The following STK3 variants were observed in gnomAD, a reference collection of about 807,000 sequenced individuals.
STK3 encodes the protein serine/threonine-protein kinase 3.
In STK3, 41 loss-of-function variants were observed where a neutral mutation model predicts 58.0. The ratio of observed to expected loss-of-function variants is 0.71; its 90% CI spans 0.55 to 0.92. The LOEUF (loss-of-function observed/expected upper bound fraction) is 0.92, where lower values mean the gene tolerates loss of function less well. Ranked by LOEUF, STK3 falls within the 40% of genes least tolerant of loss-of-function variation. STK3 has a pLI of 0.00. For missense variants in STK3, 479 were observed against 602.7 expected (o/e 0.79, Z 2.15); for synonymous variants, 170 against 191.0 (o/e 0.89, Z 0.91).
At chr8:98,889,215 G>A (rs1452405718) in intron 1 of STK3, among the ~76,000 whole-genome samples, 2 of 152,194 alleles carry the variant, frequency 1.3e-5, no homozygotes, top group African/African-American at 2.4e-5. Flanking sequence ...GAACAAGATG[G>A]TATGAGAGCC....
rs143946380 is a variant in STK3 at position 98,633,663 on chromosome 8, C to T, written c.685-37494G>A. The T allele has an allele frequency of 3.3e-5, 23 of 706,824 alleles. No homozygotes were observed. In the African/African-American group the frequency reaches 3.7e-4, roughly 11 times the overall value. 43.8% of individuals were successfully genotyped at this position (706,824 alleles called of 1,614,324 possible). On this transcript the variant is annotated intron_variant, in intron 6 of 10. Transcript: ENST00000419617. ...GTTTAATAAGGAACTTGATCCTGTACAGAAACTCTTTATGTACAAGGTTAG... is the reference window on the plus strand; with the variant it reads ...GTTTAATAAGGAACTTGATCCTGTATAGAAACTCTTTATGTACAAGGTTAG...
chr8:98,364,387 T>A, the STK3 span, among the ~76,000 whole-genome samples: 1 of 152,114 alleles, frequency 6.6e-6, no homozygotes, highest in African/African-American at 2.4e-5. Flanking sequence ...TCTGGGCCTA[T>A]CTTGAAGTCC....
intron 1 of STK3, among the ~76,000 whole-genome samples, chr8:98,926,443 C>A: frequency 6.6e-6 from 1 of 152,068 alleles, no homozygotes. Flanking sequence ...CCCAAGATGC[C>A]ACTTATGGAC....
At chr8:98,850,373 G>T (rs1464841666) in intron 3 of STK3, among the ~76,000 whole-genome samples, 1 of 152,140 alleles carries the variant, frequency 6.6e-6, no homozygotes, top group Admixed American at 6.5e-5. Flanking sequence ...TCTGCTCTGG[G>T]TATTGGGCTG....
In STK3 at chr8:98,460,873, G is replaced by A. The variant is rs145797737; in HGVS notation, c.1318-4873C>T. On this transcript the variant is annotated intron_variant, in intron 10 of 10. Transcript: ENST00000419617. ...GGCACGCAGAACTATGAATCAACTC[G>A]ATTTTTAAAAACATATTGAGACTTG... Among the ~76,000 whole-genome samples, 461 of 152,226 alleles carry A rather than the reference G, an allele frequency of 3.0e-3. 4 individuals carry two copies. Among genetic ancestry groups the A allele is most frequent in the African/African-American group, 0.01 (424 of 41,538 alleles).
chr8:98,818,787 T>A (rs1834709925), intron 1 of STK3, among the ~76,000 whole-genome samples: 1 of 152,084 alleles, frequency 6.6e-6, no homozygotes, highest in Admixed American at 6.6e-5. Context: ...AAGGTAATCT[T>A]CATGTCGATA....
At chr8:98,363,082 T>C in the STK3 span, among the ~76,000 whole-genome samples, 1 of 152,152 alleles carries the variant, frequency 6.6e-6, no homozygotes, top group African/African-American at 2.4e-5. Context: ...CACAAACCAC[T>C]GTAAAATTCT....
chr8:98,375,418 T>A (rs10091412), intron 2 of STK3, among the ~76,000 whole-genome samples: 95,870 of 151,956 alleles, frequency 0.63, 31,034 homozygotes, highest in Non-Finnish European at 0.69. Flanking sequence ...AATTCCAAAT[T>A]ATTTAAAAAC....
chr8:98,881,071 T>C (rs1837774999), downstream of STK3: 1 of 152,244 alleles, frequency 6.6e-6, no homozygotes. Flanking sequence ...TATTATTATT[T>C]AGTTAATAAT....
chr8:98,885,327 A>C (rs575649608), intron 1 of STK3, among the ~76,000 whole-genome samples: 1 of 152,364 alleles, frequency 6.6e-6, no homozygotes, highest in East Asian at 1.9e-4. Flanking sequence ...ATGACTAGCC[A>C]TATGGAAGCC....
At chr8:98,444,290 G>T (rs1818838309) in intron 1 of STK3, among the ~76,000 whole-genome samples, 1 of 152,216 alleles carries the variant, frequency 6.6e-6, no homozygotes. Context: ...CTAGGCAGAT[G>T]TAGGTCACTT....
chr8:98,834,748 C>G (rs538986991), intron 3 of STK3, among the ~76,000 whole-genome samples: 6 of 152,148 alleles, frequency 3.9e-5, no homozygotes, highest in Non-Finnish European at 8.8e-5. Context: ...CCTCCAGATG[C>G]CATCACCTTC....
intron 8 of STK3, among the ~76,000 whole-genome samples, chr8:98,557,881 A>C (rs1041564930): frequency 6.6e-5 from 10 of 152,090 alleles, no homozygotes; most frequent in African/African-American, 2.4e-4. Flanking sequence ...AACGTCATAA[A>C]AGACTTATTC....
chr8:98,363,848 CT>C, the STK3 span, among the ~76,000 whole-genome samples: 33 of 152,338 alleles, frequency 2.2e-4, no homozygotes, highest in African/African-American at 7.7e-4. Context: ...CTGAGGACCC[CT>C]TCTTCTGCCA....
chr8:98,931,199 C>G lies in STK3; in HGVS notation c.-79+11179G>C, dbSNP rs1007735835. On this transcript the variant is annotated intron_variant, in intron 1 of 1. Coordinates refer to the STK3 transcript ENST00000519420. ...GGCCAAGGGATGAGCTGAAGTAGTT[C>G]TGCTTGTATAGGAAGGCCCCTGGGC... Among the ~76,000 whole-genome samples, 2 of 152,156 alleles carry G rather than the reference C, an allele frequency of 1.3e-5. 1 individual carries two copies. Among genetic ancestry groups the G allele is most frequent in the South Asian group, 4.1e-4 (2 of 4,822 alleles).
At chr8:98,476,980 A>G (rs1821362469) in intron 10 of STK3, among the ~76,000 whole-genome samples, 1 of 152,208 alleles carries the variant, frequency 6.6e-6, no homozygotes, top group Non-Finnish European at 1.5e-5. Context: ...TCTTCTTCAT[A>G]AAAGCAGGAA....
At chr8:98,728,497 T>A (rs941121795) in intron 4 of STK3, among the ~76,000 whole-genome samples, 3 of 152,162 alleles carry the variant, frequency 2.0e-5, no homozygotes, top group East Asian at 3.8e-4. Flanking sequence ...TTACACCATA[T>A]GTAAATATAT....
intron 3 of STK3, among the ~76,000 whole-genome samples, chr8:98,845,194 T>C (rs1836158304): frequency 6.6e-6 from 1 of 152,238 alleles, no homozygotes; most frequent in Admixed American, 6.5e-5. Context: ...CGACTTATTT[T>C]TTTAAACCAC....
chr8:98,778,295 A>G (rs548991717), intron 1 of STK3, among the ~76,000 whole-genome samples: 23 of 152,208 alleles, frequency 1.5e-4, no homozygotes, highest in African/African-American at 5.1e-4. Flanking sequence ...ATCATCACTG[A>G]CCATCAGAGA....
Sources: gnomAD v4.1 joint callset for allele counts (sites outside exome capture counted in the v4.1 genomes callset) on GRCh38, gnomAD v4.1.1 for gene constraint, MANE v1.5 for transcripts, NCBI Gene and HGNC (gene_info 2026-07-23, HGNC 2026-07-21) for gene names.